WAPL: variants seen among roughly 807,000 people sequenced by gnomAD.
WAPL encodes wings apart-like protein homolog.
WAPL carries 5 observed loss-of-function variants against 121.0 expected under a neutral mutation model. The ratio of observed to expected loss-of-function variants is 0.04; its 90% CI spans 0.02 to 0.09. The LOEUF (loss-of-function observed/expected upper bound fraction) is 0.09, where lower values mean the gene tolerates loss of function less well. Ranked by LOEUF, WAPL falls within the 10% of genes least tolerant of loss-of-function variation. The pLI is 1.00. For missense variants in WAPL, 999 were observed against 1,410.8 expected, an observed-to-expected ratio of 0.71 and a Z score of 4.68; for synonymous variants, 480 against 481.5, an observed-to-expected ratio of 1.00 and a Z score of 0.04.
chr10:86,466,294 G>C (rs777255508), intron 9 of WAPL, among the ~76,000 whole-genome samples: 1 of 152,152 alleles, frequency 6.6e-6, no homozygotes, highest in Admixed American at 6.5e-5. Flanking sequence ...CAGTTATGGC[G>C]GGGGTGGTGG....
chr10:86,439,673 T>TA (rs1463231329), intron 17 of WAPL, among the ~76,000 whole-genome samples: 14 of 152,206 alleles, frequency 9.2e-5, no homozygotes, highest in African/African-American at 3.1e-4. Flanking sequence ...CTTGCAACAC[T>TA]AAACAGTCAT....
intron 14 of WAPL, among the ~76,000 whole-genome samples, chr10:86,452,422 T>A (rs1183473307): frequency 2.6e-5 from 4 of 151,882 alleles, no homozygotes; most frequent in African/African-American, 9.7e-5. Context: ...GGAAACCCCA[T>A]CTCTACTAAA....
intron 12 of WAPL, among the ~76,000 whole-genome samples, chr10:86,454,535 A>G (rs2132175276): frequency 6.6e-6 from 1 of 152,202 alleles, no homozygotes; most frequent in Admixed American, 6.5e-5. Flanking sequence ...GCGCCGCCAC[A>G]CCTGACTGGT....
rs1841043169 is a variant in WAPL at position 86,453,255 on chromosome 10, G to A, written c.2914C>T (p.Leu972=). ...ATATCAAATCTCTGCTCCTGAGGTA[G>A]GTACTTTGGAACCTGAAGCACACAG... is the stretch of plus-strand genomic sequence containing the variant. ...LNCVLQVPKY[L]PQEQRFDIRV... The change falls in exon 14 of 19, where the codon CTA becomes TTA. Residue 972 remains leucine, a synonymous_variant. Coordinates refer to ENST00000298767, the MANE Select transcript of WAPL (RefSeq NM_015045.5). The A allele has an allele frequency of 1.9e-6, 3 of 1,614,034 alleles. No homozygotes were observed. The highest frequency in any genetic ancestry group is 2.5e-6 in the Non-Finnish European group (3 of 1,180,002).
intron 12 of WAPL, among the ~76,000 whole-genome samples, chr10:86,454,368 C>T (rs113639911): frequency 6.6e-6 from 1 of 152,272 alleles, no homozygotes; most frequent in African/African-American, 2.4e-5. Context: ...CGCTCTCCCT[C>T]TCCCTCTCCC....
chr10:86,463,541 GA>G (rs1841334914), intron 9 of WAPL, among the ~76,000 whole-genome samples: 1 of 152,160 alleles, frequency 6.6e-6, no homozygotes, highest in African/African-American at 2.4e-5. Flanking sequence ...TTTAAAAGCA[GA>G]AAAAAGCTCA....
intron 4 of WAPL, among the ~76,000 whole-genome samples, chr10:86,486,501 A>G (rs185458435): frequency 1.6e-4 from 25 of 152,362 alleles, no homozygotes; most frequent in African/African-American, 5.5e-4. Flanking sequence ...ATATGTAACC[A>G]TGATTTATAC....
intron 16 of WAPL, among the ~76,000 whole-genome samples, chr10:86,444,819 A>G (rs1008151029): frequency 1.1e-4 from 16 of 146,266 alleles, no homozygotes; most frequent in African/African-American, 3.8e-4. Context: ...TGAATTGTAC[A>G]GTCTGTGAAT....
At chr10:86,478,528 T>G (rs1348246156) in intron 4 of WAPL, among the ~76,000 whole-genome samples, 1 of 152,218 alleles carries the variant, frequency 6.6e-6, no homozygotes, top group Admixed American at 6.5e-5. Flanking sequence ...TCTAACATTC[T>G]AAATATTCAG....
intron 1 of WAPL, among the ~76,000 whole-genome samples, chr10:86,520,908 T>C (rs1842662512): frequency 6.7e-6 from 1 of 150,062 alleles, no homozygotes; most frequent in South Asian, 2.2e-4. Flanking sequence ...TAACCAGAAA[T>C]CCTCACCTGG....
intron 2 of WAPL, among the ~76,000 whole-genome samples, chr10:86,508,758 C>CTT (rs34530024): frequency 0.25 from 29,059 of 116,758 alleles, 5,427 homozygotes; most frequent in East Asian, 0.5. Flanking sequence ...ATTGAAAGTT[C>CTT]TTTTTTTTTT....
chr10:86,446,669 T>C (rs565117957), intron 15 of WAPL, among the ~76,000 whole-genome samples: 7 of 152,302 alleles, frequency 4.6e-5, no homozygotes, highest in Non-Finnish European at 8.8e-5. Context: ...CATCTAATAA[T>C]GATGCAAGAA....
At chr10:86,506,811 C>G (rs1842360358) in intron 2 of WAPL, among the ~76,000 whole-genome samples, 1 of 151,724 alleles carries the variant, frequency 6.6e-6, no homozygotes, top group South Asian at 2.1e-4. Context: ...AAAAGGACAC[C>G]TGGGGTTCAT....
chr10:86,507,524 T>C (rs1313857088), intron 2 of WAPL, among the ~76,000 whole-genome samples: 1 of 152,094 alleles, frequency 6.6e-6, no homozygotes, highest in Non-Finnish European at 1.5e-5. Flanking sequence ...TATAATCTAC[T>C]CCTCCATCCC....
intron 15 of WAPL, among the ~76,000 whole-genome samples, chr10:86,449,256 C>G (rs116165230): frequency 0.011 from 1,652 of 152,238 alleles, 35 homozygotes; most frequent in African/African-American, 0.037. Context: ...CGATATAAAT[C>G]TGAACATGGA....
chr10:86,457,324 T>C (rs1183331417), intron 12 of WAPL, among the ~76,000 whole-genome samples: 4 of 49,936 alleles, frequency 8.0e-5, no homozygotes, highest in Non-Finnish European at 1.4e-4. Flanking sequence ...ACCCTGTATC[T>C]ATTAAAAAAA....
At chr10:86,514,550 T>C (rs1339905220) in intron 2 of WAPL, among the ~76,000 whole-genome samples, 2 of 152,188 alleles carry the variant, frequency 1.3e-5, no homozygotes, top group Admixed American at 1.3e-4. Flanking sequence ...TATTTTAGTA[T>C]GTATTTTCCC....
intron 14 of WAPL, among the ~76,000 whole-genome samples, chr10:86,452,980 A>AGTG (rs1418388647): frequency 8.8e-6 from 1 of 113,728 alleles, no homozygotes; most frequent in African/African-American, 3.5e-5. Flanking sequence ...CGGAGGTTGC[A>AGTG]GTGAGCCAAG....
chr10:86,464,136 C>T (rs964679023), intron 9 of WAPL, among the ~76,000 whole-genome samples: 8 of 152,124 alleles, frequency 5.3e-5, no homozygotes, highest in African/African-American at 1.9e-4. Context: ...GTAACAAAAA[C>T]GTGTAAAGGA....
Sources: allele counts gnomAD v4.1 joint callset (sites outside exome capture counted in the v4.1 genomes callset), GRCh38; gene constraint gnomAD v4.1.1; transcripts MANE v1.5; gene names NCBI Gene and HGNC (gene_info 2026-07-23, HGNC 2026-07-21).